The following WDPCP variants were observed in gnomAD, a reference collection of about 807,000 sequenced individuals.
WDPCP encodes WD repeat containing planar cell polarity effector.
In WDPCP, 71 loss-of-function variants were observed where a neutral mutation model predicts 93.1. That is an observed-to-expected ratio of 0.76 (90% CI 0.63 to 0.93). WDPCP has a LOEUF of 0.93. Among genes scored for constraint, WDPCP ranks in the 40% least tolerant of loss-of-function variants. WDPCP has a pLI of 0.00. For synonymous variants in WDPCP, 315 were observed against 315.0 expected (o/e 1.00, Z 0.00); for missense variants, 844 against 887.4 (o/e 0.95, Z 0.62).
intron 1 of WDPCP, among the ~76,000 whole-genome samples, chr2:63,552,401 C>T (rs1015828154): frequency 6.6e-6 from 1 of 151,950 alleles, no homozygotes; most frequent in African/African-American, 2.4e-5. Flanking sequence ...GATTTATTCT[C>T]ATATTAAGTA....
chr2:63,581,138 G>A (rs527707209), intron 1 of WDPCP, among the ~76,000 whole-genome samples: 3 of 152,248 alleles, frequency 2.0e-5, no homozygotes, highest in East Asian at 3.9e-4. Context: ...AAAAACCAAC[G>A]TAGAAGGCAT....
intron 12 of WDPCP, among the ~76,000 whole-genome samples, chr2:63,342,544 G>A (rs181157491): frequency 5.2e-4 from 79 of 151,884 alleles, no homozygotes; most frequent in Admixed American, 1.7e-3. Flanking sequence ...TTTTCTTAGC[G>A]GTTACCCTAA....
chr2:63,581,199 T>C (rs1708473179), intron 1 of WDPCP, among the ~76,000 whole-genome samples: 1 of 152,104 alleles, frequency 6.6e-6, no homozygotes, highest in Admixed American at 6.5e-5. Context: ...CATATGTCTT[T>C]GTGTGAGAGA....
chr2:63,392,896 T>C (rs1693398096), intron 10 of WDPCP, among the ~76,000 whole-genome samples: 1 of 152,192 alleles, frequency 6.6e-6, no homozygotes, highest in Non-Finnish European at 1.5e-5. Context: ...CAACAGATGC[T>C]GTGGAGGATG....
chr2:63,343,126 G>A (rs1239269593), intron 12 of WDPCP, among the ~76,000 whole-genome samples: 2 of 152,024 alleles, frequency 1.3e-5, no homozygotes, highest in Admixed American at 6.6e-5. Flanking sequence ...TCAGCCTTCC[G>A]AGTAGCTGGG....
chr2:63,717,038 C>G lies in WDPCP; in HGVS notation n.309-66200G>C, dbSNP rs572491631. ...AACCTTGTCCACTTCATCGGTATGA[C>G]CTCTGGAGAGGCAGTGGTGGTTCCC... On this transcript the variant is annotated intron_variant and non_coding_transcript_variant, in intron 2 of 4. Coordinates refer to the WDPCP transcript ENST00000467687. The G allele has an allele frequency of 2.6e-4, 68 of 261,026 alleles. 2 individuals carry two copies. The South Asian group carries it at 3.1e-3, about 12-fold the overall frequency. The allele number at this position is 261,026 out of a possible 1,614,324, so 16.2% of individuals were successfully genotyped here. A position where few individuals can be genotyped will look rare whatever the true frequency, so the allele number is the denominator to read the frequency against.
intron 14 of WDPCP, among the ~76,000 whole-genome samples, chr2:63,254,004 A>C (rs1419227410): frequency 6.6e-6 from 1 of 152,140 alleles, no homozygotes; most frequent in African/African-American, 2.4e-5. Context: ...TGATGGATTG[A>C]ATGAAGAAAA....
chr2:63,167,193 C>T (rs1446465564), intron 15 of WDPCP, among the ~76,000 whole-genome samples: 1 of 152,148 alleles, frequency 6.6e-6, no homozygotes, highest in Non-Finnish European at 1.5e-5. Context: ...TAAATAGTTG[C>T]AGCAGAGAAC....
chr2:63,589,285 G>C, upstream of WDPCP: 8 of 1,550,922 alleles, frequency 5.2e-6, no homozygotes, highest in Non-Finnish European at 7.0e-6. Context: ...AGTTGTCCTG[G>C]GAGAGGAGCG....
chr2:63,647,366 C>T (rs954760060), intron 3 of WDPCP, among the ~76,000 whole-genome samples: 2 of 152,100 alleles, frequency 1.3e-5, no homozygotes, highest in African/African-American at 4.8e-5. Flanking sequence ...GAACTCCTGA[C>T]CTCATGATCC....
intron 9 of WDPCP, among the ~76,000 whole-genome samples, chr2:63,413,896 A>C (rs959237402): frequency 6.6e-6 from 1 of 152,192 alleles, no homozygotes; most frequent in Non-Finnish European, 1.5e-5. Flanking sequence ...GTAAACAGAC[A>C]ACCCAGTGGG....
intron 3 of WDPCP, among the ~76,000 whole-genome samples, chr2:63,623,920 C>A (rs944218138): frequency 1.3e-5 from 2 of 152,180 alleles, no homozygotes; most frequent in African/African-American, 4.8e-5. Flanking sequence ...CTAAAACTGA[C>A]CACATATGTG....
Position 63,119,994 on chromosome 2 carries a change from ATTTG to A in WDPCP, c.*2008_*2011del, listed in dbSNP as rs527721526. 3.3e-3 allele frequency among the ~76,000 whole-genome samples: 508 copies of A among 152,222 alleles called. 2 individuals carry two copies. Among genetic ancestry groups the A allele is most frequent in the Non-Finnish European group, 2.1e-3 (140 of 67,998 alleles). ...GAAAATGGGTACTTTAAGAACTATGATTTGTTTAATTTTCACCTACATAACTGGC... is the reference window on the plus strand; with the variant it reads ...GAAAATGGGTACTTTAAGAACTATGATTTAATTTTCACCTACATAACTGGC... On this transcript the variant is annotated 3_prime_UTR_variant, in exon 18 of 18. Transcript: ENST00000272321.
At chr2:63,694,941 A>G (rs537183459) in intron 2 of WDPCP, among the ~76,000 whole-genome samples, 200 of 152,298 alleles carry the variant, frequency 1.3e-3, no homozygotes, top group Non-Finnish European at 2.4e-3. Context: ...GCCAAGTTCT[A>G]AAAGAGAGTG....
intron 2 of WDPCP, among the ~76,000 whole-genome samples, chr2:63,750,363 C>G (rs1669862442): frequency 6.6e-6 from 1 of 151,944 alleles, no homozygotes; most frequent in South Asian, 2.1e-4. Flanking sequence ...TATCTAAACT[C>G]AAGTTTTCTT....
In WDPCP at chr2:63,291,949, C is replaced by T. The variant is rs1430326509; in HGVS notation, c.1812+21299G>A. On this transcript the variant is annotated intron_variant, in intron 13 of 17. Transcript: ENST00000272321. ...GAGATCGAGACCATTCTGGCCAACA[C>T]GTTGAAACCCCGTCTGTACTAAAAA... Among the ~76,000 whole-genome samples the T allele has an allele frequency of 1.5e-4, 22 of 151,286 alleles. No homozygotes were observed. In the East Asian group the frequency reaches 2.5e-3, roughly 17 times the overall value.
At chr2:63,171,999 T>C (rs988887861) in intron 15 of WDPCP, among the ~76,000 whole-genome samples, 1 of 152,186 alleles carries the variant, frequency 6.6e-6, no homozygotes, top group Non-Finnish European at 1.5e-5. Flanking sequence ...ATAAAATTTC[T>C]CTAGAGACAG....
chr2:63,426,458 T>C (rs190246551), intron 9 of WDPCP, among the ~76,000 whole-genome samples: 141 of 152,280 alleles, frequency 9.3e-4, no homozygotes, highest in Middle Eastern at 3.4e-3. Flanking sequence ...CTAAGCTTCA[T>C]AAGTGAAGAA....
chr2:63,311,525 T>C (rs13004919), intron 13 of WDPCP, among the ~76,000 whole-genome samples: 1 of 152,186 alleles, frequency 6.6e-6, no homozygotes, highest in Admixed American at 6.5e-5. Context: ...AGAGTAACAA[T>C]GCAGCATTCT....
Sources: allele counts gnomAD v4.1 joint callset (sites outside exome capture counted in the v4.1 genomes callset), GRCh38; gene constraint gnomAD v4.1.1; transcripts MANE v1.5; gene names NCBI Gene and HGNC (gene_info 2026-07-23, HGNC 2026-07-21).